DCC: variants seen among roughly 807,000 people sequenced by gnomAD.
DCC encodes the protein DCC netrin 1 receptor, also known as netrin receptor DCC.
Under a neutral mutation model 172.5 loss-of-function variants are expected in DCC, and 58 were observed. The ratio of observed to expected loss-of-function variants is 0.34; its 90% CI spans 0.27 to 0.42. The LOEUF (loss-of-function observed/expected upper bound fraction) is 0.42, where lower values mean the gene tolerates loss of function less well. Ranked by LOEUF, DCC falls within the 10% of genes least tolerant of loss-of-function variation. The pLI is 1.00. For synonymous variants in DCC, 709 were observed against 644.5 expected, an observed-to-expected ratio of 1.10 and a Z score of -1.52; for missense variants, 1,740 against 1,791.0, an observed-to-expected ratio of 0.97 and a Z score of 0.51.
intron 1 of DCC, among the ~76,000 whole-genome samples, chr18:52,668,352 G>T (rs1031872366): frequency 6.6e-6 from 1 of 152,134 alleles, no homozygotes; most frequent in Non-Finnish European, 1.5e-5. Context: ...AGATTTTAAA[G>T]CTCTAATTCA....
At chr18:53,501,478 A>G (rs915520991) in intron 27 of DCC, among the ~76,000 whole-genome samples, 1 of 152,238 alleles carries the variant, frequency 6.6e-6, no homozygotes, top group Non-Finnish European at 1.5e-5. Flanking sequence ...TTAGAAGAAA[A>G]AATCAAGAAA....
intron 1 of DCC, among the ~76,000 whole-genome samples, chr18:52,493,116 C>T (rs1175551237): frequency 6.6e-6 from 1 of 152,094 alleles, no homozygotes; most frequent in Non-Finnish European, 1.5e-5. Flanking sequence ...GAAAGTATGA[C>T]TTCCAGCAAA....
At chr18:52,574,009 A>T (rs2033357194) in intron 1 of DCC, among the ~76,000 whole-genome samples, 2 of 152,146 alleles carry the variant, frequency 1.3e-5, no homozygotes, top group South Asian at 4.1e-4. Flanking sequence ...TAGCCAGAAA[A>T]TTTATTCTTA....
At chr18:53,069,923 G>C (rs906878681) in intron 7 of DCC, among the ~76,000 whole-genome samples, 1 of 151,538 alleles carries the variant, frequency 6.6e-6, no homozygotes, top group Non-Finnish European at 1.5e-5. Flanking sequence ...TGTGGGGTTG[G>C]GGGGGGTTGT....
chr18:53,427,959 AATAAT>A (rs58035903), intron 21 of DCC, among the ~76,000 whole-genome samples: 5 of 46,470 alleles, frequency 1.1e-4, no homozygotes, highest in Admixed American at 8.2e-4. Context: ...TATATAATAT[AATAAT>A]ATAATATATA....
intron 27 of DCC, among the ~76,000 whole-genome samples, chr18:53,502,763 A>ACTT (rs1208029540): frequency 6.6e-6 from 1 of 152,006 alleles, no homozygotes; most frequent in Non-Finnish European, 1.5e-5. Context: ...AAAATGAGAA[A>ACTT]CTTCTACTTT....
intron 15 of DCC, among the ~76,000 whole-genome samples, chr18:53,346,813 CA>C (rs2057731399): frequency 6.6e-6 from 1 of 152,044 alleles, no homozygotes. Context: ...CTATATTTAC[CA>C]TTTTTTTGGT....
chr18:53,075,698 A>C (rs1465670572), intron 7 of DCC, among the ~76,000 whole-genome samples: 1 of 152,234 alleles, frequency 6.6e-6, no homozygotes, highest in East Asian at 1.9e-4. Context: ...GCGAGTGCAC[A>C]CAAAACATAC....
At chr18:52,547,640 G>A (rs1302462297) in intron 1 of DCC, among the ~76,000 whole-genome samples, 1 of 152,022 alleles carries the variant, frequency 6.6e-6, no homozygotes, top group Non-Finnish European at 1.5e-5. Context: ...GCCTTATAAG[G>A]CTTTATAGGG....
At chr18:53,258,969 T>A (rs2056558626) in intron 12 of DCC, among the ~76,000 whole-genome samples, 1 of 152,336 alleles carries the variant, frequency 6.6e-6, no homozygotes, top group South Asian at 2.1e-4. Flanking sequence ...TGTAATGGCC[T>A]TCTGTGTCTC....
chr18:52,711,788 G>A, intron 1 of DCC, among the ~76,000 whole-genome samples: 1 of 152,262 alleles, frequency 6.6e-6, no homozygotes, highest in South Asian at 2.1e-4. Context: ...TAATAGCATG[G>A]CATGTGTCCC....
intron 7 of DCC, among the ~76,000 whole-genome samples, chr18:53,095,735 G>A (rs142899315): frequency 0.013 from 1,900 of 149,184 alleles, 29 homozygotes; most frequent in Middle Eastern, 0.05. Flanking sequence ...ATTTATATCC[G>A]TAATGTCTTT....
At chr18:53,435,565 T>C (rs779983373) in intron 22 of DCC, among the ~76,000 whole-genome samples, 1 of 152,092 alleles carries the variant, frequency 6.6e-6, no homozygotes, top group Non-Finnish European at 1.5e-5. Context: ...CTAATTTTAT[T>C]TGAGAGAGGT....
chr18:53,087,679 T>C (rs1386380493), intron 7 of DCC, among the ~76,000 whole-genome samples: 1 of 151,900 alleles, frequency 6.6e-6, no homozygotes, highest in African/African-American at 2.4e-5. Flanking sequence ...TCCTTGCCCA[T>C]GCCTATGTCC....
At chr18:53,108,901 C>T (rs1156660096) in intron 7 of DCC, among the ~76,000 whole-genome samples, 2 of 151,066 alleles carry the variant, frequency 1.3e-5, no homozygotes, top group Admixed American at 1.3e-4. Flanking sequence ...ACATGGCTTT[C>T]CTATGCAGCA....
At chr18:52,837,426 C>T (rs1176825110) in intron 2 of DCC, among the ~76,000 whole-genome samples, 1 of 152,160 alleles carries the variant, frequency 6.6e-6, no homozygotes, top group Non-Finnish European at 1.5e-5. Context: ...TTTCTTCTGC[C>T]AGATACCCTA....
At chr18:53,050,399 A>G (rs1274926556) in intron 5 of DCC, among the ~76,000 whole-genome samples, 1 of 152,054 alleles carries the variant, frequency 6.6e-6, no homozygotes, top group Non-Finnish European at 1.5e-5. Context: ...GATTCTTCCT[A>G]TCCGTGACCA....
At chr18:53,104,317 T>C (rs2043214584) in intron 7 of DCC, among the ~76,000 whole-genome samples, 1 of 152,026 alleles carries the variant, frequency 6.6e-6, no homozygotes, top group South Asian at 2.1e-4. Flanking sequence ...TGGAAGATAA[T>C]TGAATCATGG....
chr18:52,610,000 T>C (rs544659427), intron 1 of DCC, among the ~76,000 whole-genome samples: 17 of 150,772 alleles, frequency 1.1e-4, no homozygotes, highest in Admixed American at 9.9e-4. Context: ...TTAACAAATG[T>C]TTATTTTCTT....
Sources: gnomAD v4.1 joint callset for allele counts (sites outside exome capture counted in the v4.1 genomes callset) on GRCh38, gnomAD v4.1.1 for gene constraint, MANE v1.5 for transcripts, NCBI Gene and HGNC (gene_info 2026-07-23, HGNC 2026-07-21) for gene names.